ST7: variants seen among roughly 807,000 people sequenced by gnomAD.
The protein encoded by ST7 is suppression of tumorigenicity 7.
ST7 carries 28 observed loss-of-function variants against 78.7 expected under a neutral mutation model. The observed-to-expected ratio is 0.36, with a 90% CI of 0.26 to 0.49. The LOEUF is 0.49. Among genes scored for constraint, ST7 ranks in the 20% least tolerant of loss-of-function variants. ST7 has a pLI of 0.99. For synonymous variants in ST7, 247 were observed against 249.6 expected (o/e 0.99, Z 0.10); for missense variants, 418 against 696.0 (o/e 0.60, Z 4.49).
intron 1 of ST7, among the ~76,000 whole-genome samples, chr7:116,984,845 A>C (rs1051119707): frequency 2.0e-5 from 3 of 152,208 alleles, no homozygotes; most frequent in South Asian, 2.1e-4. Context: ...ATTCAGACTT[A>C]ATATTTACCC....
chr7:116,998,382 C>T (rs995593109), intron 1 of ST7, among the ~76,000 whole-genome samples: 2 of 152,214 alleles, frequency 1.3e-5, no homozygotes, highest in African/African-American at 4.8e-5. Flanking sequence ...ACCTCTCCCT[C>T]CACACCTCCC....
chr7:117,006,769 C>G (rs901571673), intron 1 of ST7, among the ~76,000 whole-genome samples: 1 of 152,204 alleles, frequency 6.6e-6, no homozygotes. Flanking sequence ...GGCACATGCT[C>G]ACTTCATGTC....
At chr7:117,079,968 CTTTTTTTTTTTTT>C (rs34326752) in intron 1 of ST7, among the ~76,000 whole-genome samples, 22 of 65,410 alleles carry the variant, frequency 3.4e-4, no homozygotes, top group Non-Finnish European at 2.1e-4. Flanking sequence ...TTTGTCATTC[CTTTTTTTTTTTTT>C]TTTTTTTTTT....
At chr7:117,172,513 G>A (rs948583165) in intron 10 of ST7, among the ~76,000 whole-genome samples, 5 of 152,166 alleles carry the variant, frequency 3.3e-5, no homozygotes, top group Non-Finnish European at 5.9e-5. Context: ...AAGTATTTGT[G>A]GAGCACTTTT....
chr7:117,209,500 C>T (rs766441104), intron 12 of ST7, among the ~76,000 whole-genome samples: 2 of 152,186 alleles, frequency 1.3e-5, no homozygotes, highest in East Asian at 1.9e-4. Flanking sequence ...GTGTCTTCTA[C>T]ATTTTCCTTT....
intron 1 of ST7, among the ~76,000 whole-genome samples, chr7:117,047,080 G>A (rs1237786543): frequency 1.3e-5 from 2 of 152,064 alleles, no homozygotes; most frequent in African/African-American, 2.4e-5. Flanking sequence ...TGTACTACAT[G>A]GTCTTGGATC....
intron 2 of ST7, among the ~76,000 whole-genome samples, chr7:117,113,182 A>G (rs1802570231): frequency 6.6e-6 from 1 of 152,262 alleles, no homozygotes; most frequent in Non-Finnish European, 1.5e-5. Context: ...ACTTTAAATC[A>G]GTAAAGACCT....
In ST7 at chr7:117,149,947, G is replaced by T. The variant is rs1034631066; in HGVS notation, c.963+11415G>T. ...TCAGTACCTGGATCTTTTTTTCTGTGGTGGTTCATTTCCTCCATGGAAAGA... is the reference window on the plus strand; with the variant it reads ...TCAGTACCTGGATCTTTTTTTCTGTTGTGGTTCATTTCCTCCATGGAAAGA... On this transcript the variant is annotated intron_variant, in intron 9 of 15. Coordinates refer to ENST00000323984, the MANE Select transcript of ST7 (RefSeq NM_001369598.1). 2.3e-4 allele frequency among the ~76,000 whole-genome samples: 35 copies of T among 151,972 alleles called. 1 individual carries two copies. Among genetic ancestry groups the T allele is most frequent in the Non-Finnish European group, 4.4e-5 (3 of 67,928 alleles).
At chr7:117,004,268 T>G (rs1311973810) in intron 1 of ST7, among the ~76,000 whole-genome samples, 1 of 152,194 alleles carries the variant, frequency 6.6e-6, no homozygotes, top group Non-Finnish European at 1.5e-5. Context: ...GAGATGTAAG[T>G]TGATAGCTAC....
At chr7:117,097,429 G>A (rs1343275562) in intron 1 of ST7, among the ~76,000 whole-genome samples, 4 of 151,172 alleles carry the variant, frequency 2.6e-5, no homozygotes, top group African/African-American at 9.7e-5. Flanking sequence ...GGGTTCAAAC[G>A]ATTCTCCTGC....
intron 1 of ST7, among the ~76,000 whole-genome samples, chr7:117,094,230 C>A (rs548828207): frequency 6.6e-6 from 1 of 152,190 alleles, no homozygotes; most frequent in African/African-American, 2.4e-5. Context: ...GCCTTAACTG[C>A]GCTTCACTTT....
intron 6 of ST7, among the ~76,000 whole-genome samples, 189 bp from the exon 7 acceptor site, chr7:117,133,935 G>A (rs112979292): frequency 2.1e-4 from 32 of 151,980 alleles, no homozygotes; most frequent in African/African-American, 7.7e-4. Context: ...ACATTTGGAA[G>A]CTGCTCAACC....
intron 9 of ST7, among the ~76,000 whole-genome samples, chr7:117,168,376 AGTTTGATC>A (rs1807726607): frequency 6.6e-6 from 1 of 152,226 alleles, no homozygotes; most frequent in East Asian, 1.9e-4. Context: ...GTGTCCTTGA[AGTTTGATC>A]ATTACCTGAA....
chr7:117,183,892 A>G (rs933571132), intron 10 of ST7, among the ~76,000 whole-genome samples: 5 of 152,248 alleles, frequency 3.3e-5, no homozygotes, highest in Admixed American at 2.6e-4. Context: ...TGGTGTATCC[A>G]CACAATGAAA....
intron 1 of ST7, among the ~76,000 whole-genome samples, chr7:117,011,200 T>TG: frequency 6.6e-6 from 1 of 152,236 alleles, no homozygotes; most frequent in Admixed American, 6.5e-5. Context: ...GCTGAGTTAC[T>TG]GGGGGTCTGC....
chr7:117,191,398 A>G (rs1350427858), intron 12 of ST7, among the ~76,000 whole-genome samples: 1 of 152,206 alleles, frequency 6.6e-6, no homozygotes, highest in African/African-American at 2.4e-5. Flanking sequence ...AAAACTTCAA[A>G]ATATGAAGAA....
intron 12 of ST7, among the ~76,000 whole-genome samples, chr7:117,194,867 G>A (rs1234739712): frequency 6.6e-6 from 1 of 152,172 alleles, no homozygotes; most frequent in Admixed American, 6.5e-5. Flanking sequence ...ACAGACCTGG[G>A]TTAACCAGCG....
In ST7 at chr7:117,221,966, C is replaced by T; in HGVS notation, c.1542C>T (p.Phe514=). The change falls in exon 15 of 16, where the codon TTC becomes TTT. Residue 514 remains phenylalanine (F), a synonymous_variant. Coordinates refer to ENST00000323984, the MANE Select transcript of ST7 (RefSeq NM_001369598.1). The part of the protein sequence containing the change: ...VSVYPKKELP[F]FILFTAGLCS... ...TTTACCCAAAGAAGGAGCTTCCCTT[C>T]TTTATTCTCTTTACTGCTGGATTAT... 1 of 1,612,784 alleles carries T rather than the reference C, an allele frequency of 6.2e-7. No individual in the cohort carries two copies. The highest frequency in any genetic ancestry group is 1.1e-5 in the South Asian group (1 of 90,850).
chr7:116,955,307 G>T (rs1792403293), intron 1 of ST7, among the ~76,000 whole-genome samples: 2 of 152,310 alleles, frequency 1.3e-5, no homozygotes, highest in Non-Finnish European at 2.9e-5. Context: ...AATTTTTAAA[G>T]AACACATTTT....
Sources: gnomAD v4.1 joint callset for allele counts (sites outside exome capture counted in the v4.1 genomes callset) on GRCh38, gnomAD v4.1.1 for gene constraint, MANE v1.5 for transcripts, NCBI Gene and HGNC (gene_info 2026-07-23, HGNC 2026-07-21) for gene names.